The following DTHD1 variants were observed in gnomAD, a reference collection of about 807,000 sequenced individuals.
The protein encoded by DTHD1 is death domain-containing protein 1.
DTHD1 carries 59 observed loss-of-function variants against 74.8 expected under a neutral mutation model. The observed-to-expected ratio is 0.79, with a 90% CI of 0.64 to 0.98. The LOEUF (loss-of-function observed/expected upper bound fraction) is 0.98, where lower values mean the gene tolerates loss of function less well. Ranked by LOEUF, DTHD1 falls within the 50% of genes least tolerant of loss-of-function variation. The pLI, the probability that DTHD1 is intolerant of heterozygous loss-of-function variation, is 0.00. For synonymous variants in DTHD1, 365 were observed against 371.1 expected, an observed-to-expected ratio of 0.98 and a Z score of 0.19; for missense variants, 1,051 against 1,065.4, an observed-to-expected ratio of 0.99 and a Z score of 0.19.
In DTHD1 at chr4:36,284,143, A is replaced by G; in HGVS notation, c.439A>G (p.Ile147Val). ...CATTCAAGATACCAAAGCAGCAGAC[A>G]TTGCTGCAAGAGGGGAACTAAATGT... ...SSIQDTKAAD[I>V]AARGELNVIE... Residue 147 changes from isoleucine (I) to valine (V), a missense_variant, in exon 2 of 10, where the codon ATT becomes GTT. Transcript: ENST00000639862. The G allele has an allele frequency of 1.3e-6, 2 of 1,537,222 alleles. No homozygotes were observed. Among genetic ancestry groups the G allele is most frequent in the Non-Finnish European group, 1.7e-6 (2 of 1,146,870 alleles).
At chr4:36,312,356 A>G (rs932355721) in intron 7 of DTHD1, among the ~76,000 whole-genome samples, 1 of 151,998 alleles carries the variant, frequency 6.6e-6, no homozygotes, top group African/African-American at 2.4e-5. Context: ...CTACACCTAT[A>G]TAATAACCAT....
At chr4:36,282,881 T>C (rs1391043250) in intron 1 of DTHD1, among the ~76,000 whole-genome samples, 1 of 152,124 alleles carries the variant, frequency 6.6e-6, no homozygotes, top group East Asian at 1.9e-4. Context: ...CTTTAGCCTC[T>C]GGAGGGAGTG....
intron 8 of DTHD1, among the ~76,000 whole-genome samples, chr4:36,338,358 C>A (rs149950845): frequency 1.3e-5 from 2 of 151,978 alleles, no homozygotes; most frequent in Admixed American, 1.3e-4. Flanking sequence ...TATTTTTCCA[C>A]GAAAGAACAT....
rs922065693 is a variant in DTHD1 at position 36,293,472 on chromosome 4, A to C, written c.1219-54A>C. On this transcript the variant is annotated intron_variant, in intron 3 of 9. Coordinates refer to ENST00000639862, the MANE Select transcript of DTHD1 (RefSeq NM_001170700.3). Reference sequence around the variant, plus strand: ...GACAATCCATAGAGTCTATACAGCAAATATTTTTCAAATCAGTGCTATAGC... The same window carrying C: ...GACAATCCATAGAGTCTATACAGCACATATTTTTCAAATCAGTGCTATAGC... The C allele has an allele frequency of 5.9e-6, 8 of 1,358,802 alleles. No individual in the cohort carries two copies. The Admixed American group carries it at 2.1e-4, about 36-fold the overall frequency. 84.2% of individuals were successfully genotyped at this position (1,358,802 alleles called of 1,614,324 possible).
intron 8 of DTHD1, among the ~76,000 whole-genome samples, chr4:36,320,209 C>A (rs573353086): frequency 2.1e-4 from 32 of 152,062 alleles, no homozygotes; most frequent in African/African-American, 7.5e-4. Flanking sequence ...GTGTTTTATA[C>A]ATCTGAAAGA....
chr4:36,322,991 C>G (rs114533738), intron 8 of DTHD1, among the ~76,000 whole-genome samples: 4 of 152,154 alleles, frequency 2.6e-5, no homozygotes, highest in Admixed American at 2.6e-4. Context: ...TTTGTGCTAA[C>G]TTGGGTTGTG....
chr4:36,341,692 A>T (rs1759321065), intron 9 of DTHD1, among the ~76,000 whole-genome samples: 1 of 152,228 alleles, frequency 6.6e-6, no homozygotes, highest in African/African-American at 2.4e-5. Context: ...TGAATAACAC[A>T]AGATTCAGAT....
In DTHD1 at chr4:36,316,372, T is replaced by G; in HGVS notation, c.2226T>G (p.Ile742Met). Residue 742 changes from isoleucine (I) to methionine (M), a missense_variant, in exon 8 of 10, where the codon ATT (isoleucine) becomes ATG (methionine). By Grantham distance (10) the Ile-to-Met change is conservative. Transcript: ENST00000639862. ...GTTGCCCTCATTACAAAGGCACCAT[T>G]GTCGTTTATAAAGTACCTAAAGGAA... ...NYSCPHYKGT[I>M]VVYKVPKGKI... 6.4e-7 allele frequency: 1 copy of G among 1,552,160 alleles called. No homozygotes were observed. Among genetic ancestry groups the G allele is most frequent in the Non-Finnish European group, 8.7e-7 (1 of 1,147,090 alleles).
At chr4:36,327,045 C>T (rs1173042223) in intron 8 of DTHD1, among the ~76,000 whole-genome samples, 1 of 151,910 alleles carries the variant, frequency 6.6e-6, no homozygotes, top group Non-Finnish European at 1.5e-5. Flanking sequence ...CATCTCACTG[C>T]AACCTCTGCC....
intron 8 of DTHD1, among the ~76,000 whole-genome samples, chr4:36,329,487 T>G (rs1470646339): frequency 1.3e-5 from 2 of 152,208 alleles, no homozygotes; most frequent in African/African-American, 4.8e-5. Context: ...CAGCTTAAGT[T>G]ATGAGTTCAT....
intron 8 of DTHD1, among the ~76,000 whole-genome samples, chr4:36,336,890 T>A (rs1759038447): frequency 6.6e-6 from 1 of 152,022 alleles, no homozygotes. Flanking sequence ...GAATAGAACC[T>A]CCAAATAAAA....
chr4:36,290,080 G>C (rs576631054), intron 2 of DTHD1, among the ~76,000 whole-genome samples: 1 of 152,136 alleles, frequency 6.6e-6, no homozygotes, highest in African/African-American at 2.4e-5. Flanking sequence ...AGTAATTATA[G>C]CTAATATATA....
At chr4:36,308,554 G>T (rs1757196387) in intron 7 of DTHD1, 61 bp downstream of exon 7, 1 of 1,380,008 alleles carries the variant, frequency 7.2e-7, no homozygotes, top group African/African-American at 1.5e-5. Context: ...CTCTTCAGAA[G>T]AGTTTGCTAA....
chr4:36,316,487 G>A lies in DTHD1; in HGVS notation c.2340+1G>A. The A allele has an allele frequency of 6.5e-7, 1 of 1,545,334 alleles. No individual in the cohort carries two copies. The highest frequency in any genetic ancestry group is 8.7e-7 in the Non-Finnish European group (1 of 1,145,296). On this transcript the variant is annotated splice_donor_variant, in intron 8 of 9. Coordinates refer to ENST00000639862, the MANE Select transcript of DTHD1 (RefSeq NM_001170700.3). LOFTEE classifies it high-confidence loss of function. ...CAAATTACCATTGAAATTGCCAAAG[G>A]TGAGTTATTTTACTTTTCTAATTAC...
At chr4:36,286,642 G>C (rs983763558) in intron 2 of DTHD1, among the ~76,000 whole-genome samples, 2 of 152,186 alleles carry the variant, frequency 1.3e-5, no homozygotes, top group African/African-American at 2.4e-5. Context: ...ATGGATGGTT[G>C]GGTGATTTTG....
intron 4 of DTHD1, among the ~76,000 whole-genome samples, chr4:36,294,185 T>C (rs1019687681): frequency 6.6e-6 from 1 of 152,056 alleles, no homozygotes; most frequent in Non-Finnish European, 1.5e-5. Context: ...GCAAAGGGCA[T>C]GTAAATGTAT....
At chr4:36,323,221 A>T (rs1758140662) in intron 8 of DTHD1, among the ~76,000 whole-genome samples, 1 of 152,168 alleles carries the variant, frequency 6.6e-6, no homozygotes, top group South Asian at 2.1e-4. Context: ...CTAGTAAATA[A>T]TGATACTGCT....
At chr4:36,310,970 A>T (rs908048149) in intron 7 of DTHD1, among the ~76,000 whole-genome samples, 2 of 152,188 alleles carry the variant, frequency 1.3e-5, no homozygotes, top group African/African-American at 4.8e-5. Context: ...ACTGAGACAT[A>T]GTACTAAGCA....
intron 7 of DTHD1, chr4:36,315,436 G>A (rs1337959072): frequency 6.6e-6 from 1 of 152,132 alleles, no homozygotes; most frequent in Non-Finnish European, 1.5e-5. Flanking sequence ...TGTTCATTAC[G>A]GTAGCCATTA....
Sources: gnomAD v4.1 joint callset for allele counts (sites outside exome capture counted in the v4.1 genomes callset) on GRCh38, gnomAD v4.1.1 for gene constraint, MANE v1.5 for transcripts, NCBI Gene and HGNC (gene_info 2026-07-23, HGNC 2026-07-21) for gene names.